Variants in SYTL5 observed in about 807,000 individuals in gnomAD.
SYTL5 encodes the protein synaptotagmin like 5.
A neutral mutation model predicts 55.9 loss-of-function variants in SYTL5; 34 were observed. The observed-to-expected ratio is 0.61, with a 90% CI of 0.46 to 0.81. The LOEUF (loss-of-function observed/expected upper bound fraction) is 0.81, where lower values mean the gene tolerates loss of function less well. Ranked by LOEUF, SYTL5 falls within the 30% of genes least tolerant of loss-of-function variation. The pLI is 0.00. For missense variants in SYTL5, 637 were observed against 546.7 expected, an observed-to-expected ratio of 1.17 and a Z score of -1.65; for synonymous variants, 221 against 188.7, an observed-to-expected ratio of 1.17 and a Z score of -1.40.
chrX:37,964,075 G>T, the SYTL5 span, among the ~76,000 whole-genome samples: 2 of 111,581 alleles, frequency 1.8e-5, no homozygotes, highest in East Asian at 5.6e-4. Context: ...TCACCAATAT[G>T]ATAGTATCAG....
the SYTL5 span, among the ~76,000 whole-genome samples, chrX:37,927,287 T>C: frequency 8.9e-6 from 1 of 111,983 alleles, no homozygotes; most frequent in African/African-American, 3.2e-5. Context: ...CCAGCTTGCA[T>C]ATTAGTTTTA....
chrX:38,116,872 C>T (rs1393462975), intron 13 of SYTL5, among the ~76,000 whole-genome samples: 1 of 112,146 alleles, frequency 8.9e-6, no homozygotes, highest in East Asian at 2.8e-4. Flanking sequence ...CTGCTATTCA[C>T]GAGGGATGAA....
At chrX:38,092,368 T>G (rs1411245734) in intron 7 of SYTL5, among the ~76,000 whole-genome samples, 1 of 111,377 alleles carries the variant, frequency 9.0e-6, no homozygotes, top group Non-Finnish European at 1.9e-5. Context: ...AATCCAAGTC[T>G]GAATGCCTCA....
upstream of SYTL5, among the ~76,000 whole-genome samples, chrX:38,005,994 C>G (rs73463432): frequency 0.019 from 2,107 of 111,985 alleles, 60 homozygotes; most frequent in African/African-American, 0.065. Context: ...CAATCACATA[C>G]TGTTACACAT....
intron 1 of SYTL5, among the ~76,000 whole-genome samples, chrX:38,022,470 T>G (rs1462977765): frequency 1.8e-5 from 2 of 111,997 alleles, no homozygotes; most frequent in Admixed American, 9.5e-5. Context: ...AGAATCTGTT[T>G]CCTTGTCTTT....
At chrX:37,955,945 A>C in the SYTL5 span, among the ~76,000 whole-genome samples, 1 of 111,934 alleles carries the variant, frequency 8.9e-6, no homozygotes, top group African/African-American at 3.2e-5. Context: ...TGGTGGACCA[A>C]GTTGAAATTG....
the SYTL5 span, among the ~76,000 whole-genome samples, chrX:37,926,517 T>C: frequency 9.0e-6 from 1 of 111,360 alleles, no homozygotes; most frequent in South Asian, 3.7e-4. Context: ...ATTTTTTAAA[T>C]GAATGATTGC....
the SYTL5 span, among the ~76,000 whole-genome samples, chrX:37,991,564 G>A: frequency 9.0e-6 from 1 of 111,105 alleles, no homozygotes; most frequent in African/African-American, 3.3e-5. Context: ...TGTGAGGCCA[G>A]GGAGTTGGCT....
chrX:38,009,971 AGAC>A (rs1934122059), intron 1 of SYTL5, among the ~76,000 whole-genome samples: 1 of 112,223 alleles, frequency 8.9e-6, no homozygotes, highest in Non-Finnish European at 1.9e-5. Flanking sequence ...TCAGTAGCAG[AGAC>A]CAAAACCCCA....
At chrX:37,898,130 C>CT in the SYTL5 span, among the ~76,000 whole-genome samples, 1 of 111,768 alleles carries the variant, frequency 8.9e-6, no homozygotes, top group African/African-American at 3.3e-5. Flanking sequence ...TGGCAAGGGC[C>CT]TTCTTCCTCA....
At chrX:37,962,121 T>C in the SYTL5 span, among the ~76,000 whole-genome samples, 1 of 110,743 alleles carries the variant, frequency 9.0e-6, no homozygotes, top group Admixed American at 9.6e-5. Flanking sequence ...ATGTGCACAA[T>C]GTGCAGGTTT....
At chrX:38,029,835 GT>G (rs1400161212) in intron 1 of SYTL5, among the ~76,000 whole-genome samples, 2 of 88,377 alleles carry the variant, frequency 2.3e-5, no homozygotes, top group Non-Finnish European at 4.1e-5. Context: ...ACTAATTAAA[GT>G]TTTTAAAAAT....
chrX:37,960,801 T>TA, the SYTL5 span, among the ~76,000 whole-genome samples: 1 of 93,029 alleles, frequency 1.1e-5, no homozygotes, highest in Non-Finnish European at 2.1e-5. Context: ...TTTATTTATT[T>TA]ATTTATTTAT....
the SYTL5 span, among the ~76,000 whole-genome samples, chrX:37,904,481 C>T: frequency 9.1e-6 from 1 of 110,252 alleles, no homozygotes; most frequent in Non-Finnish European, 1.9e-5. Flanking sequence ...TAGGTATAGA[C>T]AAGCAAGAAA....
At chrX:37,897,082 A>C in the SYTL5 span, among the ~76,000 whole-genome samples, 1 of 112,004 alleles carries the variant, frequency 8.9e-6, no homozygotes, top group Non-Finnish European at 1.9e-5. Flanking sequence ...ATTTAAGAGA[A>C]GAACATGGTA....
chrX:37,915,539 G>A, the SYTL5 span, among the ~76,000 whole-genome samples: 2 of 111,960 alleles, frequency 1.8e-5, no homozygotes, highest in Non-Finnish European at 3.8e-5. Flanking sequence ...AGATCTAACG[G>A]TGGATCTAAT....
At chrX:38,061,636 G>T (rs948593574) in intron 3 of SYTL5, among the ~76,000 whole-genome samples, 3 of 111,800 alleles carry the variant, frequency 2.7e-5, no homozygotes, top group Non-Finnish European at 5.6e-5. Context: ...TTACAGCAAG[G>T]ACTGACAGAG....
chrX:38,046,552 G>A (rs1411634332), intron 2 of SYTL5, among the ~76,000 whole-genome samples: 2 of 111,669 alleles, frequency 1.8e-5, no homozygotes, highest in African/African-American at 6.5e-5. Flanking sequence ...ACAACACATG[G>A]GAATTATGGG....
chrX:37,912,896 G>A, the SYTL5 span, among the ~76,000 whole-genome samples: 2 of 111,722 alleles, frequency 1.8e-5, no homozygotes, highest in African/African-American at 6.5e-5. Flanking sequence ...TTTTATTACT[G>A]GTAATGATGT....
Sources: gnomAD v4.1 joint callset for allele counts (sites outside exome capture counted in the v4.1 genomes callset) on GRCh38, gnomAD v4.1.1 for gene constraint, MANE v1.5 for transcripts, NCBI Gene and HGNC (gene_info 2026-07-23, HGNC 2026-07-21) for gene names.